The following ATRNL1 variants were observed in gnomAD, a reference collection of about 807,000 sequenced individuals.
ATRNL1 encodes attractin like 1, also known as attractin-like protein 1.
ATRNL1 carries 95 observed loss-of-function variants against 182.7 expected under a neutral mutation model. The ratio of observed to expected loss-of-function variants is 0.52; its 90% confidence interval spans 0.44 to 0.62. The LOEUF (loss-of-function observed/expected upper bound fraction) is 0.62, where lower values mean the gene tolerates loss of function less well. Among genes scored for constraint, ATRNL1 ranks in the 20% least tolerant of loss-of-function variants. ATRNL1 has a pLI of 0.00. For synonymous variants in ATRNL1, 576 were observed against 568.3 expected, an observed-to-expected ratio of 1.01 and a Z score of -0.19; for missense variants, 1,471 against 1,679.5, an observed-to-expected ratio of 0.88 and a Z score of 2.17.
chr10:115,608,591 C>A (rs970257661), intron 26 of ATRNL1, among the ~76,000 whole-genome samples: 1 of 151,998 alleles, frequency 6.6e-6, no homozygotes, highest in African/African-American at 2.4e-5. Flanking sequence ...CTTTAATTAT[C>A]ATACATGGAC....
At chr10:115,813,830 G>A (rs1950103726) in intron 27 of ATRNL1, among the ~76,000 whole-genome samples, 1 of 152,094 alleles carries the variant, frequency 6.6e-6, no homozygotes, top group Non-Finnish European at 1.5e-5. Context: ...GCTAACTATA[G>A]CAGACATTTT....
rs192359533 is a variant in ATRNL1, at chr10:115,943,189, A to G, written c.4019-1469A>G. ...GTACATAGCATAACTCTATCCATGG[A>G]GTGCTTTTGTAATTTTTAAAACAGT... On this transcript the variant is annotated intron_variant, in intron 28 of 28. Transcript: ENST00000355044. 1.4e-3 allele frequency among the ~76,000 whole-genome samples: 214 copies of G among 152,330 alleles called. 1 individual carries two copies. Among genetic ancestry groups the G allele is most frequent in the African/African-American group, 4.8e-3 (201 of 41,582 alleles).
At chr10:115,599,913 C>G (rs1592926886) in intron 26 of ATRNL1, among the ~76,000 whole-genome samples, 2 of 152,196 alleles carry the variant, frequency 1.3e-5, no homozygotes, top group African/African-American at 4.8e-5. Context: ...AGTTAACCAC[C>G]AACACAATCA....
At chr10:115,573,999 G>T (rs1555004291) in intron 26 of ATRNL1, among the ~76,000 whole-genome samples, 1 of 152,206 alleles carries the variant, frequency 6.6e-6, no homozygotes, top group East Asian at 1.9e-4. Flanking sequence ...AGACAGGAAA[G>T]AAATGGGTAA....
chr10:115,144,186 C>A (rs1195023085), intron 5 of ATRNL1, among the ~76,000 whole-genome samples: 1 of 151,744 alleles, frequency 6.6e-6, no homozygotes, highest in Non-Finnish European at 1.5e-5. Context: ...CTCATGCTGT[C>A]GCCCAGGCTG....
At chr10:115,204,848 G>A (rs1554893408) in intron 8 of ATRNL1, among the ~76,000 whole-genome samples, 1 of 152,030 alleles carries the variant, frequency 6.6e-6, no homozygotes, top group Non-Finnish European at 1.5e-5. Flanking sequence ...AAGGATTGTT[G>A]TTAATTCTTC....
intron 22 of ATRNL1, 94 bp downstream of exon 22, chr10:115,462,129 A>G (rs1431607301): frequency 7.8e-6 from 6 of 767,434 alleles, no homozygotes; most frequent in Non-Finnish European, 1.0e-5. Context: ...GAATTATCAC[A>G]TTGTAGGGCC....
chr10:115,323,933 A>C (rs1289028149), intron 18 of ATRNL1, among the ~76,000 whole-genome samples: 3 of 151,432 alleles, frequency 2.0e-5, no homozygotes, highest in African/African-American at 4.9e-5. Flanking sequence ...GCCTGCCACG[A>C]CGCCTGGCTA....
chr10:115,269,841 T>A (rs1445894857), intron 13 of ATRNL1, among the ~76,000 whole-genome samples: 1 of 151,918 alleles, frequency 6.6e-6, no homozygotes, highest in Non-Finnish European at 1.5e-5. Flanking sequence ...ATTAAAAAAA[T>A]TCTTCACTAA....
chr10:115,900,597 T>C (rs1952325423), intron 28 of ATRNL1, among the ~76,000 whole-genome samples: 1 of 151,658 alleles, frequency 6.6e-6, no homozygotes, highest in Non-Finnish European at 1.5e-5. Context: ...AACAACCCCA[T>C]GAGACAAGTA....
intron 20 of ATRNL1, among the ~76,000 whole-genome samples, chr10:115,399,831 A>T (rs1199717553): frequency 6.6e-6 from 1 of 151,996 alleles, no homozygotes; most frequent in Non-Finnish European, 1.5e-5. Context: ...CTCTCTTAAG[A>T]CTTCCTGGAA....
intron 28 of ATRNL1, among the ~76,000 whole-genome samples, chr10:115,922,824 A>G (rs1953106670): frequency 6.6e-6 from 1 of 152,118 alleles, no homozygotes; most frequent in African/African-American, 2.4e-5. Context: ...AAAGAGCAAT[A>G]TGTTAAGAGG....
intron 26 of ATRNL1, among the ~76,000 whole-genome samples, chr10:115,561,694 T>TGTGTGTGGGG (rs1853741532): frequency 8.7e-6 from 1 of 114,812 alleles, no homozygotes; most frequent in African/African-American, 3.0e-5. Context: ...TGTGTGGGTG[T>TGTGTGTGGGG]GTGTGTGTGG....
chr10:115,607,828 A>G (rs1856947832), intron 26 of ATRNL1, among the ~76,000 whole-genome samples: 1 of 151,924 alleles, frequency 6.6e-6, no homozygotes, highest in Non-Finnish European at 1.5e-5. Flanking sequence ...TAGTGATGTA[A>G]TGTCATTATT....
At chr10:115,600,096 T>G (rs1338581306) in intron 26 of ATRNL1, among the ~76,000 whole-genome samples, 7 of 152,160 alleles carry the variant, frequency 4.6e-5, no homozygotes, top group African/African-American at 1.7e-4. Context: ...TGTGTGTGTT[T>G]TTTTCCTGTC....
chr10:115,147,481 A>C lies in ATRNL1; in HGVS notation c.830-12559A>C, dbSNP rs560334327. Reference sequence around the variant, plus strand: ...AAGCTTTTTAGTTGAATATAGTCTCATTTGTCTATTTTTATTTTTGTTGCC... The same window carrying C: ...AAGCTTTTTAGTTGAATATAGTCTCCTTTGTCTATTTTTATTTTTGTTGCC... On this transcript the variant is annotated intron_variant, in intron 5 of 28. Coordinates refer to ENST00000355044, the MANE Select transcript of ATRNL1 (RefSeq NM_207303.4). Among the ~76,000 whole-genome samples the C allele has an allele frequency of 2.2e-3, 342 of 152,040 alleles. 1 individual carries two copies. The highest frequency in any genetic ancestry group is 8.0e-3 in the African/African-American group (331 of 41,474).
chr10:115,150,223 G>A (rs7074552), intron 5 of ATRNL1, among the ~76,000 whole-genome samples: 3,479 of 150,830 alleles, frequency 0.023, 48 homozygotes, highest in South Asian at 0.035. Context: ...TGTTGATTTG[G>A]GTTTTCTAAT....
intron 28 of ATRNL1, among the ~76,000 whole-genome samples, chr10:115,876,724 G>A (rs553668583): frequency 4.6e-5 from 7 of 152,304 alleles, no homozygotes; most frequent in East Asian, 1.9e-4. Context: ...TGCTAAGGTC[G>A]TGTACATTGA....
chr10:115,095,101 A>G (rs2084977794), intron 1 of ATRNL1, among the ~76,000 whole-genome samples: 2 of 152,170 alleles, frequency 1.3e-5, no homozygotes, highest in African/African-American at 4.8e-5. Context: ...AGCAAAAGTC[A>G]CTTAATATTG....
Sources: allele counts gnomAD v4.1 joint callset (sites outside exome capture counted in the v4.1 genomes callset), GRCh38; gene constraint gnomAD v4.1.1; transcripts MANE v1.5; gene names NCBI Gene and HGNC (gene_info 2026-07-23, HGNC 2026-07-21).